The following MASP1 variants were observed in gnomAD, a reference collection of about 807,000 sequenced individuals.
MASP1 encodes MBL associated serine protease 1.
In MASP1, 59 loss-of-function variants were observed where a neutral mutation model predicts 77.1. The observed-to-expected ratio is 0.77, with a 90% confidence interval of 0.62 to 0.95. The LOEUF (loss-of-function observed/expected upper bound fraction) is 0.95, where lower values mean the gene tolerates loss of function less well. Among genes scored for constraint, MASP1 ranks in the 40% least tolerant of loss-of-function variants. The probability of loss-of-function intolerance (pLI) is 0.00; values close to 1 mark genes in which losing one functional copy is unlikely to be tolerated. For synonymous variants in MASP1, 362 were observed against 354.5 expected, an observed-to-expected ratio of 1.02 and a Z score of -0.24; for missense variants, 885 against 912.9, an observed-to-expected ratio of 0.97 and a Z score of 0.39.
chr3:187,231,449 C>T (rs1039313509), downstream of MASP1, among the ~76,000 whole-genome samples: 4 of 152,212 alleles, frequency 2.6e-5, no homozygotes, highest in African/African-American at 7.2e-5. Flanking sequence ...CTTCCTCCCC[C>T]TTTGGAGCCG....
Position 187,219,827 on chromosome 3 carries a change from G to T in MASP1, c.*244C>A, listed in dbSNP as rs995410576. 5 of 555,668 alleles carry T rather than the reference G, an allele frequency of 9.0e-6. No homozygotes were observed. The South Asian group carries it at 1.0e-4, about 11-fold the overall frequency. 34.4% of individuals were successfully genotyped at this position (555,668 alleles called of 1,614,324 possible). A position where few individuals can be genotyped will look rare whatever the true frequency, so the allele number is the denominator to read the frequency against. ...GAAGTTCGAAGAGATGAAGTCACCT[G>T]CCCAGCACTGCAAACTAGTAAGTGA... On this transcript the variant is annotated 3_prime_UTR_variant, in exon 16 of 16. Coordinates refer to the MASP1 transcript ENST00000337774.
chr3:187,282,058 A>G (rs552567391), intron 2 of MASP1, among the ~76,000 whole-genome samples: 26 of 152,290 alleles, frequency 1.7e-4, no homozygotes, highest in Middle Eastern at 3.4e-3. Flanking sequence ...TCTTCTGTCC[A>G]ATAGGAATGT....
chr3:187,271,089 A>G (rs191676878), intron 2 of MASP1, among the ~76,000 whole-genome samples: 1 of 152,386 alleles, frequency 6.6e-6, no homozygotes, highest in East Asian at 1.9e-4. Flanking sequence ...TCACGTTTGT[A>G]AATTGAAATT....
chr3:187,235,949 T>A lies in MASP1; in HGVS notation c.1922A>T (p.Tyr641Phe), dbSNP rs1311286487. Residue 641 changes from tyrosine (Y) to phenylalanine (F), a missense_variant, in exon 11 of 11, where the codon TAC (tyrosine) becomes TTC (phenylalanine). Coordinates refer to ENST00000296280, the MANE Select transcript of MASP1 (RefSeq NM_139125.4). ...KTSYESRSGN[Y>F]SVTENMFCAG... is the part of the protein sequence containing the mutation. ...ACAGAACATGTTCTCCGTGACGCTG[T>A]AATTGCCCGAGCGGGACTCATAGCT... The A allele has an allele frequency of 1.9e-6, 3 of 1,614,140 alleles. No homozygotes were observed. Among genetic ancestry groups the A allele is most frequent in the Admixed American group, 3.3e-5 (2 of 60,012 alleles).
intron 2 of MASP1, among the ~76,000 whole-genome samples, chr3:187,270,599 A>G (rs1001213731): frequency 6.6e-6 from 1 of 152,136 alleles, no homozygotes; most frequent in Admixed American, 6.5e-5. Flanking sequence ...CAAAAATCCC[A>G]TGCCGTGGTC....
At position 187,262,578 on chromosome 3, in the gene MASP1, C is replaced by T. The variant is rs367766973; in HGVS notation, c.380G>A (p.Arg127His). The T allele has an allele frequency of 2.0e-5, 32 of 1,613,990 alleles. No homozygotes were observed. Among genetic ancestry groups the T allele is most frequent in the African/African-American group, 2.7e-5 (2 of 74,900 alleles). Residue 127 changes from arginine (R) to histidine (H), a missense_variant, in exon 3 of 11, where the codon CGT becomes CAT. Arg to His is a conservative substitution (Grantham distance 29). Transcript: ENST00000296280. Reference sequence around the variant, plus strand: ...GTAGTGGGCATCAAAGCCTGTGAAACGCTCCTCATTGGAGAAATCTGACCG... The same window carrying T: ...GTAGTGGGCATCAAAGCCTGTGAAATGCTCCTCATTGGAGAAATCTGACCG... The part of the protein sequence containing the change: ...TFRSDFSNEE[R>H]FTGFDAHYMA...
chr3:187,289,175 C>CT (rs1028134163), intron 1 of MASP1, among the ~76,000 whole-genome samples: 2 of 140,520 alleles, frequency 1.4e-5, no homozygotes, highest in Admixed American at 1.4e-4. Context: ...ATTTCAGAGG[C>CT]CCCCCGTAGG....
intron 13 of MASP1, chr3:187,225,193 A>G: frequency 9.7e-7 from 1 of 1,031,654 alleles, no homozygotes; most frequent in Non-Finnish European, 1.5e-6. Context: ...TGGCTGTTTG[A>G]GGGGAAGCAG....
chr3:187,276,545 T>C (rs765532342), intron 2 of MASP1: 1 of 152,254 alleles, frequency 6.6e-6, no homozygotes, highest in African/African-American at 2.4e-5. Flanking sequence ...CACAGAGATA[T>C]GCACCCCATG....
intron 3 of MASP1, among the ~76,000 whole-genome samples, chr3:187,261,357 C>T (rs1420023436): frequency 6.6e-6 from 1 of 152,254 alleles, no homozygotes; most frequent in East Asian, 1.9e-4. Context: ...ACTTCTACCT[C>T]ATGCTACCTC....
chr3:187,261,088 C>T (rs1201648113), intron 3 of MASP1, among the ~76,000 whole-genome samples: 1 of 152,184 alleles, frequency 6.6e-6, no homozygotes, highest in Non-Finnish European at 1.5e-5. Flanking sequence ...CCCAAGGTCA[C>T]AAAAAGCCAA....
chr3:187,237,772 G>T (rs911326839), intron 10 of MASP1, among the ~76,000 whole-genome samples: 1 of 152,238 alleles, frequency 6.6e-6, no homozygotes, highest in African/African-American at 2.4e-5. Context: ...CCTACTATGA[G>T]TGTGGGCCTC....
At chr3:187,255,099 T>C (rs1714960123) in intron 5 of MASP1, among the ~76,000 whole-genome samples, 1 of 152,158 alleles carries the variant, frequency 6.6e-6, no homozygotes, top group Admixed American at 6.5e-5. Context: ...GTATTAAAGT[T>C]ATTCATTAGT....
exon 16 of MASP1, chr3:187,220,175 C>A (rs1036725162): frequency 6.2e-7 from 1 of 1,614,074 alleles, no homozygotes; most frequent in African/African-American, 1.3e-5. Flanking sequence ...CCCCAGGACA[C>A]AGTGCCCACC....
At chr3:187,255,914 T>C (rs1255139352) in intron 5 of MASP1, among the ~76,000 whole-genome samples, 1 of 152,126 alleles carries the variant, frequency 6.6e-6, no homozygotes, top group East Asian at 1.9e-4. Context: ...CCCATCTTTA[T>C]CCCCAGCTCA....
downstream of MASP1, chr3:187,229,894 C>G: frequency 6.2e-7 from 1 of 1,614,186 alleles, no homozygotes; most frequent in Non-Finnish European, 8.5e-7. Context: ...GGGGAGCCCA[C>G]ACACTGCATC....
rs186372021 is a variant in MASP1 at position 187,279,780 on chromosome 3, A to G, written c.237+6045T>C. ...AATTATTATTTACCTCTAAAGACTAATCTCAAACATCAACTATTTCCAAAG... is the reference window on the plus strand; with the variant it reads ...AATTATTATTTACCTCTAAAGACTAGTCTCAAACATCAACTATTTCCAAAG... On this transcript the variant is annotated intron_variant, in intron 2 of 10. Coordinates refer to ENST00000296280, the MANE Select transcript of MASP1 (RefSeq NM_139125.4). 5.3e-5 allele frequency among the ~76,000 whole-genome samples: 8 copies of G among 152,314 alleles called. No individual in the cohort carries two copies. In the East Asian group the frequency reaches 1.5e-3, roughly 29 times the overall value.
intron 8 of MASP1, among the ~76,000 whole-genome samples, chr3:187,245,506 A>C (rs1264372028): frequency 1.3e-5 from 2 of 152,082 alleles, no homozygotes; most frequent in Non-Finnish European, 2.9e-5. Context: ...CCCTACAACT[A>C]GGTAGAGGGG....
At chr3:187,262,087 T>A (rs1349583882) in intron 3 of MASP1, among the ~76,000 whole-genome samples, 1 of 152,188 alleles carries the variant, frequency 6.6e-6, no homozygotes, top group Non-Finnish European at 1.5e-5. Flanking sequence ...GGAGCAGAGA[T>A]TGACTGGCAG....
Sources: allele counts gnomAD v4.1 joint callset (sites outside exome capture counted in the v4.1 genomes callset), GRCh38; gene constraint gnomAD v4.1.1; transcripts MANE v1.5; gene names NCBI Gene and HGNC (gene_info 2026-07-23, HGNC 2026-07-21).